The following AKAP10 variants were observed in gnomAD, a reference collection of about 807,000 sequenced individuals.
AKAP10 encodes A-kinase anchor protein 10, mitochondrial.
Under a neutral mutation model 80.8 loss-of-function variants are expected in AKAP10, and 24 were observed. That is an observed-to-expected ratio of 0.30 (90% CI 0.22 to 0.42). The LOEUF (loss-of-function observed/expected upper bound fraction) is 0.42. Ranked by LOEUF, AKAP10 falls within the 10% of genes least tolerant of loss-of-function variation. The pLI is 1.00. For missense variants in AKAP10, 661 were observed against 794.9 expected, an observed-to-expected ratio of 0.83 and a Z score of 2.03; for synonymous variants, 291 against 277.7, an observed-to-expected ratio of 1.05 and a Z score of -0.48.
At chr17:19,961,462 C>T (rs963149360) in intron 3 of AKAP10, among the ~76,000 whole-genome samples, 1 of 152,098 alleles carries the variant, frequency 6.6e-6, no homozygotes, top group Admixed American at 6.5e-5. Flanking sequence ...TACAATTTTA[C>T]TCTCTGAGCT....
chr17:19,928,849 G>C (rs1364145694), intron 10 of AKAP10, among the ~76,000 whole-genome samples: 1 of 152,096 alleles, frequency 6.6e-6, no homozygotes, highest in African/African-American at 2.4e-5. Flanking sequence ...CAGCCTGGGC[G>C]ACAGAGCAAG....
chr17:19,957,711 G>A (rs2043296115), intron 4 of AKAP10, among the ~76,000 whole-genome samples: 1 of 152,118 alleles, frequency 6.6e-6, no homozygotes, highest in Admixed American at 6.6e-5. Context: ...TTAAGACCGA[G>A]GGAGGAAATA....
chr17:19,923,551 G>T (rs1422134160), intron 11 of AKAP10, among the ~76,000 whole-genome samples: 1 of 151,652 alleles, frequency 6.6e-6, no homozygotes, highest in Admixed American at 6.6e-5. Flanking sequence ...TTTGAGACAA[G>T]AGTCTCGCTC....
chr17:19,936,197 G>A, intron 9 of AKAP10, 89 bp downstream of exon 9: 4 of 1,421,042 alleles, frequency 2.8e-6, no homozygotes, highest in Non-Finnish European at 3.8e-6. Flanking sequence ...TTTCCACTGT[G>A]CTATTCTGCT....
At chr17:19,973,300 A>G (rs934604767) in intron 1 of AKAP10, among the ~76,000 whole-genome samples, 1 of 152,232 alleles carries the variant, frequency 6.6e-6, no homozygotes, top group Non-Finnish European at 1.5e-5. Context: ...GTTTTATCGT[A>G]GCACAGCCAT....
chr17:19,936,530 G>C, intron 8 of AKAP10, 100 bp from the exon 9 acceptor site: 2 of 1,162,184 alleles, frequency 1.7e-6, no homozygotes, highest in South Asian at 3.1e-5. Flanking sequence ...CTACTTGATT[G>C]AGCCTGCAGG....
intron 9 of AKAP10, among the ~76,000 whole-genome samples, chr17:19,933,329 T>C (rs2042958649): frequency 6.6e-6 from 1 of 152,206 alleles, no homozygotes; most frequent in African/African-American, 2.4e-5. Context: ...AATATGTACC[T>C]TTTTTGTAGA....
At chr17:19,936,208 TG>T in intron 9 of AKAP10, 77 bp downstream of exon 9, 1 of 1,486,390 alleles carries the variant, frequency 6.7e-7, no homozygotes, top group Admixed American at 2.1e-5. Flanking sequence ...CTATTCTGCT[TG>T]GTTTTCCCAC....
At chr17:19,952,301 T>C (rs2043224543) in intron 4 of AKAP10, among the ~76,000 whole-genome samples, 2 of 151,530 alleles carry the variant, frequency 1.3e-5, no homozygotes, top group African/African-American at 4.8e-5. Context: ...CCGTTTCTAC[T>C]AAAAATACAA....
chr17:19,935,124 C>A (rs2152413557), intron 9 of AKAP10, among the ~76,000 whole-genome samples: 1 of 152,292 alleles, frequency 6.6e-6, no homozygotes, highest in Non-Finnish European at 1.5e-5. Context: ...GCCTACTACA[C>A]CCCTTGGCTA....
intron 5 of AKAP10, among the ~76,000 whole-genome samples, chr17:19,942,804 A>C (rs1005223102): frequency 1.3e-5 from 2 of 152,168 alleles, no homozygotes; most frequent in African/African-American, 4.8e-5. Context: ...AAACCAAGGG[A>C]TCATACTAGT....
Position 19,909,982 on chromosome 17 carries a change from G to C in AKAP10, c.1835-4C>G, listed in dbSNP as rs2042671506. Reference sequence around the variant, plus strand: ...ATAGCTTGTGAGAACATGGATCCTAGTAAACAAAGACAAAATTGAATGTAC... The same window carrying C: ...ATAGCTTGTGAGAACATGGATCCTACTAAACAAAGACAAAATTGAATGTAC... On this transcript the variant is annotated splice_polypyrimidine_tract_variant and splice_region_variant and intron_variant, in intron 12 of 14. Transcript: ENST00000225737. 6.2e-7 allele frequency: 1 copy of C among 1,612,966 alleles called. No individual in the cohort carries two copies. Among genetic ancestry groups the C allele is most frequent in the Non-Finnish European group, 8.5e-7 (1 of 1,179,494 alleles).
chr17:19,907,847 T>C (rs1360824805), intron 14 of AKAP10, among the ~76,000 whole-genome samples: 1 of 152,150 alleles, frequency 6.6e-6, no homozygotes, highest in Non-Finnish European at 1.5e-5. Context: ...GCTTGGTAAT[T>C]TGTGATTGAC....
intron 4 of AKAP10, among the ~76,000 whole-genome samples, chr17:19,953,671 T>C (rs1364660262): frequency 6.6e-6 from 1 of 152,152 alleles, no homozygotes; most frequent in Non-Finnish European, 1.5e-5. Context: ...AAGAAACAGA[T>C]AACTTAAATA....
chr17:19,946,547 T>C (rs1485008060), intron 5 of AKAP10, among the ~76,000 whole-genome samples: 1 of 150,942 alleles, frequency 6.6e-6, no homozygotes, highest in Non-Finnish European at 1.5e-5. Context: ...GTGCTTGGAA[T>C]ATTGTCTGGG....
At chr17:19,929,415 G>GC (rs1443396894) in intron 10 of AKAP10, 1 of 152,136 alleles carries the variant, frequency 6.6e-6, no homozygotes, top group Non-Finnish European at 1.5e-5. Context: ...AACAGGTAAT[G>GC]CTAATCTATG....
chr17:19,933,071 T>C (rs1453024277), intron 9 of AKAP10, among the ~76,000 whole-genome samples: 1 of 152,208 alleles, frequency 6.6e-6, no homozygotes, highest in Non-Finnish European at 1.5e-5. Flanking sequence ...CGGGCTGGAA[T>C]GCAGTGGCAT....
chr17:19,923,509 A>C (rs2042840832), intron 11 of AKAP10, among the ~76,000 whole-genome samples: 1 of 152,024 alleles, frequency 6.6e-6, no homozygotes, highest in Admixed American at 6.6e-5. Flanking sequence ...TAGGCTCCTC[A>C]GTCTCCCAAT....
intron 10 of AKAP10, 122 bp downstream of exon 10, chr17:19,931,683 G>T: frequency 4.1e-6 from 5 of 1,211,662 alleles, no homozygotes; most frequent in Non-Finnish European, 5.6e-6. Context: ...AGGCCACTGT[G>T]CCTGGCTTTT....
Sources: allele counts gnomAD v4.1 joint callset (sites outside exome capture counted in the v4.1 genomes callset), GRCh38; gene constraint gnomAD v4.1.1; transcripts MANE v1.5; gene names NCBI Gene and HGNC (gene_info 2026-07-23, HGNC 2026-07-21).